PHACTR2: variants seen among roughly 807,000 people sequenced by gnomAD.
The protein encoded by PHACTR2 is phosphatase and actin regulator 2.
A neutral mutation model predicts 76.0 loss-of-function variants in PHACTR2; 30 were observed. That is an observed-to-expected ratio of 0.39 (90% confidence interval 0.30 to 0.54). The LOEUF is 0.54. PHACTR2 is among the 20% of genes least tolerant of loss of function. The pLI, the probability that PHACTR2 is intolerant of heterozygous loss-of-function variation, is 0.61. For missense variants in PHACTR2, 696 were observed against 781.1 expected, an observed-to-expected ratio of 0.89 and a Z score of 1.30; for synonymous variants, 292 against 292.5, an observed-to-expected ratio of 1.00 and a Z score of 0.02.
intron 1 of PHACTR2, among the ~76,000 whole-genome samples, chr6:143,657,245 A>T (rs967266960): frequency 3.1e-5 from 3 of 95,464 alleles, no homozygotes; most frequent in East Asian, 4.6e-4. Context: ...GAATTTAAGT[A>T]AAAAAAAAAA....
rs554661153 is a variant in PHACTR2 at position 143,746,098 on chromosome 6, A to G, written c.215-2887A>G. Among the ~76,000 whole-genome samples the G allele has an allele frequency of 5.3e-5, 8 of 152,348 alleles. No homozygotes were observed. In the East Asian group the frequency reaches 1.5e-3, roughly 29 times the overall value. ...CTATCGGATGATTTTTTAGTGCAAGAACGAACGTTTTAAAAGGTGCCCGAG... is the reference window on the plus strand; with the variant it reads ...CTATCGGATGATTTTTTAGTGCAAGGACGAACGTTTTAAAAGGTGCCCGAG... On this transcript the variant is annotated intron_variant, in intron 2 of 12. Coordinates refer to ENST00000440869, the MANE Select transcript of PHACTR2 (RefSeq NM_001100164.2).
intron 6 of PHACTR2, among the ~76,000 whole-genome samples, chr6:143,770,531 A>G (rs1483125102): frequency 6.6e-6 from 1 of 152,210 alleles, no homozygotes; most frequent in Non-Finnish European, 1.5e-5. Flanking sequence ...CACAATAAAA[A>G]TGAGATTTCC....
intron 2 of PHACTR2, among the ~76,000 whole-genome samples, chr6:143,721,386 A>G (rs1778438921): frequency 6.6e-6 from 1 of 152,200 alleles, no homozygotes; most frequent in Non-Finnish European, 1.5e-5. Context: ...ACAGCCAAAC[A>G]CTATTTATTG....
At chr6:143,609,203 A>G (rs1388067995) in intron 1 of PHACTR2, among the ~76,000 whole-genome samples, 1 of 152,174 alleles carries the variant, frequency 6.6e-6, no homozygotes, top group Non-Finnish European at 1.5e-5. Flanking sequence ...ATTCTACACT[A>G]CAAGACCACC....
In PHACTR2 at chr6:143,823,170, A is replaced by G. The variant is rs1368105085; in HGVS notation, c.1923-504A>G. Among the ~76,000 whole-genome samples the G allele has an allele frequency of 6.6e-6, 1 of 152,280 alleles. No individual in the cohort carries two copies. The highest frequency in any genetic ancestry group is 1.5e-5 in the Non-Finnish European group (1 of 68,052). Reference sequence around the variant, plus strand: ...CATGCTTAGTATATACCTGTGGAACATCTGGGGGGAAGCGCCCTGTGGGCT... The same window carrying G: ...CATGCTTAGTATATACCTGTGGAACGTCTGGGGGGAAGCGCCCTGTGGGCT... On this transcript the variant is annotated intron_variant, in intron 12 of 12. Transcript: ENST00000440869. The surrounding 1 kb of genome is among the most constrained non-coding windows in gnomAD (Gnocchi z 5.7).
At chr6:143,594,770 G>T (rs1246003827) in intron 1 of PHACTR2, among the ~76,000 whole-genome samples, 1 of 152,228 alleles carries the variant, frequency 6.6e-6, no homozygotes. Context: ...CATGGATCTG[G>T]AACCAACAGC....
intron 6 of PHACTR2, among the ~76,000 whole-genome samples, chr6:143,771,241 T>C (rs1775133845): frequency 8.2e-6 from 1 of 121,992 alleles, no homozygotes; most frequent in Non-Finnish European, 1.7e-5. Flanking sequence ...TATATGCTTT[T>C]TTTTATTTTT....
At chr6:143,566,647 A>C (rs1226996637) in intron 1 of PHACTR2, among the ~76,000 whole-genome samples, 1 of 152,088 alleles carries the variant, frequency 6.6e-6, no homozygotes, top group Non-Finnish European at 1.5e-5. Flanking sequence ...TAGGTAGAAT[A>C]GTCTAATGAT....
At position 143,733,532 on chromosome 6, in the gene PHACTR2, G is replaced by A. The variant is rs1778754300; in HGVS notation, c.215-15453G>A. 6.6e-6 allele frequency among the ~76,000 whole-genome samples: 1 copy of A among 152,068 alleles called. No homozygotes were observed. On this transcript the variant is annotated intron_variant, in intron 2 of 12. Coordinates refer to ENST00000440869, the MANE Select transcript of PHACTR2 (RefSeq NM_001100164.2). This position sits in a 1 kb window ranked among gnomAD's most constrained non-coding sequence, Gnocchi z 4.0. ...TGCTGGATTTGGGGTGAGGGGTAGG[G>A]AATGACTGCTTGTTTTCAATCCTTC... is the stretch of plus-strand genomic sequence containing the variant.
At chr6:143,579,345 T>C (rs1775548291) in intron 1 of PHACTR2, among the ~76,000 whole-genome samples, 1 of 152,180 alleles carries the variant, frequency 6.6e-6, no homozygotes, top group Non-Finnish European at 1.5e-5. Flanking sequence ...AGGAGACTTA[T>C]GGGCCAAGAG....
intron 1 of PHACTR2, among the ~76,000 whole-genome samples, chr6:143,569,692 A>T (rs2128431417): frequency 6.6e-6 from 1 of 152,310 alleles, no homozygotes; most frequent in Non-Finnish European, 1.5e-5. Flanking sequence ...AAATATTTAC[A>T]TGTATAATTC....
intron 2 of PHACTR2, among the ~76,000 whole-genome samples, chr6:143,744,218 G>A (rs1054527952): frequency 4.6e-5 from 7 of 152,208 alleles, no homozygotes; most frequent in Non-Finnish European, 8.8e-5. Flanking sequence ...ATTAAGGAGG[G>A]AGAAGACAGA....
chr6:143,577,325 T>A (rs1775526504), intron 1 of PHACTR2, among the ~76,000 whole-genome samples: 1 of 152,184 alleles, frequency 6.6e-6, no homozygotes, highest in South Asian at 2.1e-4. Flanking sequence ...ATCAGTATTT[T>A]AAAATAAAAT....
In PHACTR2 at chr6:143,598,599, C is replaced by G. The variant is rs893110945; in HGVS notation, c.217+61392C>G. Among the ~76,000 whole-genome samples the G allele has an allele frequency of 6.6e-6, 1 of 152,162 alleles. No homozygotes were observed. The highest frequency in any genetic ancestry group is 6.5e-5 in the Admixed American group (1 of 15,278). ...GCAGAAGTGTGGGCCAGGGAGGGAT[C>G]GCAGTCATCTGATGGCAAAGCACTT... On this transcript the variant is annotated intron_variant, in intron 1 of 11. Coordinates refer to the PHACTR2 transcript ENST00000367584. This position sits in a 1 kb window ranked among gnomAD's most constrained non-coding sequence, Gnocchi z 4.1.
At chr6:143,632,548 C>T (rs1051769746) in intron 1 of PHACTR2, among the ~76,000 whole-genome samples, 1 of 152,164 alleles carries the variant, frequency 6.6e-6, no homozygotes, top group African/African-American at 2.4e-5. Flanking sequence ...ACATCCACCA[C>T]TAGAATGGTG....
intron 1 of PHACTR2, among the ~76,000 whole-genome samples, chr6:143,706,892 A>G (rs145855871): frequency 1.7e-3 from 266 of 152,288 alleles, no homozygotes; most frequent in African/African-American, 5.8e-3. Context: ...AGTTCACCCT[A>G]ACCAGTAGTG....
chr6:143,702,405 C>T (rs756559174), intron 1 of PHACTR2, among the ~76,000 whole-genome samples: 36 of 152,264 alleles, frequency 2.4e-4, no homozygotes, highest in Admixed American at 2.2e-3. Context: ...CGGCACCCAG[C>T]CTGCTTTTTT....
Position 143,596,205 on chromosome 6 carries a change from C to A in PHACTR2, c.217+58998C>A, listed in dbSNP as rs1194045697. ...CCTGCAAAACTGGCCATGAAAAATA[C>A]TTTTGTTGTCCCCAGCAAGCCAGAT... On this transcript the variant is annotated intron_variant, in intron 1 of 11. Coordinates refer to the PHACTR2 transcript ENST00000367584. This position sits in a 1 kb window ranked among gnomAD's most constrained non-coding sequence, Gnocchi z 4.6. Among the ~76,000 whole-genome samples, 2 of 152,144 alleles carry A rather than the reference C, an allele frequency of 1.3e-5. No homozygotes were observed. The highest frequency in any genetic ancestry group is 4.8e-5 in the African/African-American group (2 of 41,430).
intron 1 of PHACTR2, among the ~76,000 whole-genome samples, chr6:143,681,708 A>G (rs529231018): frequency 1.6e-4 from 25 of 152,366 alleles, no homozygotes; most frequent in African/African-American, 4.8e-4. Flanking sequence ...CAAGCGTTTT[A>G]TAATTTTGGC....
Sources: gnomAD v4.1 joint callset for allele counts (sites outside exome capture counted in the v4.1 genomes callset) on GRCh38, gnomAD v4.1.1 for gene constraint, Gnocchi (gnomAD v3.1) non-coding constraint, MANE v1.5 for transcripts, NCBI Gene and HGNC (gene_info 2026-07-23, HGNC 2026-07-21) for gene names.